Variants in CNOT10 observed in about 807,000 individuals in gnomAD.
The protein encoded by CNOT10 is CCR4-NOT transcription complex, subunit 10.
A neutral mutation model predicts 94.6 loss-of-function variants in CNOT10; 30 were observed. The ratio of observed to expected loss-of-function variants is 0.32; its 90% CI spans 0.24 to 0.43. The LOEUF is 0.43. CNOT10 is among the 20% of genes least tolerant of loss of function. The probability of loss-of-function intolerance (pLI) is 1.00; values close to 1 mark genes in which losing one functional copy is unlikely to be tolerated. For missense variants in CNOT10, 759 were observed against 877.2 expected (o/e 0.87, Z 1.70); for synonymous variants, 289 against 301.6 (o/e 0.96, Z 0.43).
rs531409821 is a variant in CNOT10, at chr3:32,761,035, A to G, written c.1709+1464A>G. Among the ~76,000 whole-genome samples, 4 of 152,190 alleles carry G rather than the reference A, an allele frequency of 2.6e-5. No homozygotes were observed. In the South Asian group the frequency reaches 8.3e-4, roughly 32 times the overall value. On this transcript the variant is annotated intron_variant, in intron 14 of 18. Transcript: ENST00000328834. ...TCCCAGCTACTCGGGAGGCTGAGGC[A>G]CGAGAATTGCTTGAGCCTGGGAGGC...
At chr3:32,759,603 T>G (rs1466681805) in intron 14 of CNOT10, 32 bp downstream of exon 14, 7 of 1,501,104 alleles carry the variant, frequency 4.7e-6, no homozygotes, top group Non-Finnish European at 6.5e-6. Flanking sequence ...TGTCCCTGGT[T>G]TCTTTAGTTT....
intron 13 of CNOT10, 27 bp downstream of exon 13, chr3:32,737,517 G>A (rs1014143458): frequency 7.2e-7 from 1 of 1,398,572 alleles, no homozygotes; most frequent in South Asian, 1.2e-5. Flanking sequence ...AATTAGCATT[G>A]CATCTATTGA....
At chr3:32,757,204 A>T (rs1575299802) in intron 13 of CNOT10, among the ~76,000 whole-genome samples, 2 of 38,790 alleles carry the variant, frequency 5.2e-5, no homozygotes, top group African/African-American at 1.1e-4. Context: ...TTTGTGACGG[A>T]GTTTCACTCT....
chr3:32,730,202 T>G (rs191893447), intron 10 of CNOT10, among the ~76,000 whole-genome samples: 2 of 152,292 alleles, frequency 1.3e-5, no homozygotes, highest in African/African-American at 4.8e-5. Context: ...TTTCTGGGAC[T>G]AGGGAAAGAT....
chr3:32,717,403 ATTTT>A (rs370606070), intron 7 of CNOT10, among the ~76,000 whole-genome samples, 166 bp downstream of exon 7: 1 of 146,404 alleles, frequency 6.8e-6, no homozygotes, highest in East Asian at 2.0e-4. Flanking sequence ...CTATAGTTTA[ATTTT>A]TTTTTTTTTA....
chr3:32,732,620 T>C (rs1319054946), intron 10 of CNOT10, among the ~76,000 whole-genome samples: 1 of 147,156 alleles, frequency 6.8e-6, no homozygotes, highest in African/African-American at 2.5e-5. Flanking sequence ...AAAAAAAAGG[T>C]AGATACAGGG....
intron 13 of CNOT10, among the ~76,000 whole-genome samples, chr3:32,738,222 G>T (rs561477640): frequency 1.2e-4 from 18 of 151,970 alleles, no homozygotes; most frequent in African/African-American, 4.1e-4. Flanking sequence ...ATAACTATTG[G>T]GTACTAGGCT....
intron 1 of CNOT10, among the ~76,000 whole-genome samples, chr3:32,702,015 G>A (rs1403139878): frequency 6.6e-6 from 1 of 151,318 alleles, no homozygotes; most frequent in Non-Finnish European, 1.5e-5. Context: ...AGCCAGTATG[G>A]CCTCGATCTC....
intron 13 of CNOT10, among the ~76,000 whole-genome samples, chr3:32,748,277 G>T (rs148504282): frequency 2.6e-5 from 4 of 152,174 alleles, no homozygotes; most frequent in Non-Finnish European, 5.9e-5. Flanking sequence ...CTATGTCACA[G>T]TTTTTTGTAC....
chr3:32,745,946 T>C (rs1699678281), intron 13 of CNOT10, among the ~76,000 whole-genome samples: 1 of 152,178 alleles, frequency 6.6e-6, no homozygotes, highest in Non-Finnish European at 1.5e-5. Context: ...GAGCTGAGGT[T>C]GCACCAATGC....
chr3:32,728,705 G>A (rs2125567963), intron 10 of CNOT10, among the ~76,000 whole-genome samples: 1 of 152,296 alleles, frequency 6.6e-6, no homozygotes, highest in Middle Eastern at 3.4e-3. Context: ...TGAAGCCAGT[G>A]AGAAAGTCAT....
In CNOT10 at chr3:32,754,497, T is replaced by A. The variant is rs1234805161; in HGVS notation, c.1596-4961T>A. 7.8e-5 allele frequency among the ~76,000 whole-genome samples: 8 copies of A among 102,482 alleles called. 1 individual carries two copies. The highest frequency in any genetic ancestry group is 6.6e-4 in the East Asian group (2 of 3,046). The allele number at this position is 102,482 out of a possible 152,430, so 67.2% of individuals were successfully genotyped here. On this transcript the variant is annotated intron_variant, in intron 13 of 18. Transcript: ENST00000328834. ...GTCTCAAAAAAAAAAAAAATACATA[T>A]ATATATATATATTTATTTTACTTTT...
intron 8 of CNOT10, among the ~76,000 whole-genome samples, chr3:32,722,334 T>C (rs1698460043): frequency 6.6e-6 from 1 of 152,224 alleles, no homozygotes; most frequent in South Asian, 2.1e-4. Context: ...GTATTATTTC[T>C]GTTCTAAATA....
chr3:32,741,857 A>C lies in CNOT10; in HGVS notation c.1595+4367A>C, dbSNP rs143739024. 7.5e-3 allele frequency among the ~76,000 whole-genome samples: 1,140 copies of C among 151,836 alleles called. 14 individuals carry two copies. The highest frequency in any genetic ancestry group is 0.027 in the African/African-American group (1,103 of 41,518). On this transcript the variant is annotated intron_variant, in intron 13 of 18. Transcript: ENST00000328834. Reference sequence around the variant, plus strand: ...TTTACATTCCCACCAGTGATGTATGAGTGATCCAGTTTCTTTACCACAATA... The same window carrying C: ...TTTACATTCCCACCAGTGATGTATGCGTGATCCAGTTTCTTTACCACAATA...
intron 7 of CNOT10, among the ~76,000 whole-genome samples, chr3:32,719,527 G>A (rs1423725721): frequency 2.0e-5 from 3 of 152,146 alleles, no homozygotes; most frequent in South Asian, 4.1e-4. Context: ...ACTATCTAGG[G>A]TCCTCCACCA....
intron 18 of CNOT10, among the ~76,000 whole-genome samples, chr3:32,772,959 A>G (rs546200666): frequency 5.3e-4 from 80 of 151,996 alleles, no homozygotes; most frequent in African/African-American, 1.7e-3. Context: ...TTGACCTCCC[A>G]GGTTCAAGCA....
In CNOT10 at chr3:32,727,755, A is replaced by G. The variant is rs769687810; in HGVS notation, c.1100A>G (p.His367Arg). 13 of 1,613,882 alleles carry G rather than the reference A, an allele frequency of 8.1e-6. No individual in the cohort carries two copies. The highest frequency in any genetic ancestry group is 1.6e-4 in the Middle Eastern group (1 of 6,084). ...TATAACTGTGGAATTCAGCTTCTTC[A>G]CATTGGAAGGCCTCTTGCTGCCTTC... ...LLYNCGIQLL[H>R]IGRPLAAFEC... Residue 367 changes from histidine (H) to arginine (R), a missense_variant, in exon 10 of 19, where the codon CAC becomes CGC. Physicochemically the swap from His to Arg is conservative, Grantham distance 29. Around this residue, in one of 3 missense-constraint regions of CNOT10, gnomAD observed 682 missense variants for 799.4 expected, o/e 0.85. Coordinates refer to ENST00000328834, the MANE Select transcript of CNOT10 (RefSeq NM_015442.3).
At chr3:32,727,043 C>T (rs1698704563) in intron 9 of CNOT10, among the ~76,000 whole-genome samples, 1 of 151,882 alleles carries the variant, frequency 6.6e-6, no homozygotes, top group Non-Finnish European at 1.5e-5. Flanking sequence ...GATGGGGTTT[C>T]ACTATTTTGG....
chr3:32,686,709 G>A (rs1280998083), intron 1 of CNOT10, among the ~76,000 whole-genome samples: 1 of 152,186 alleles, frequency 6.6e-6, no homozygotes, highest in Non-Finnish European at 1.5e-5. Context: ...GGCTGGACCA[G>A]GGGACCAACA....
Sources: gnomAD v4.1 joint callset for allele counts (sites outside exome capture counted in the v4.1 genomes callset) on GRCh38, gnomAD v4.1.1 for gene constraint, gnomAD v4.1.1 regional missense constraint, MANE v1.5 for transcripts, NCBI Gene and HGNC (gene_info 2026-07-23, HGNC 2026-07-21) for gene names.